The following CIMIP7 variants were observed in gnomAD, a reference collection of about 807,000 sequenced individuals.
CIMIP7 encodes ciliary microtubule inner protein 7.
At chr3:49,184,358 G>A in the CIMIP7 span, among the ~76,000 whole-genome samples, 1 of 152,166 alleles carries the variant, frequency 6.6e-6, no homozygotes, top group African/African-American at 2.4e-5. Flanking sequence ...AGTCTCACGT[G>A]TAGCACAGGC....
chr3:49,178,344 TG>T, the CIMIP7 span: 1 of 775,768 alleles, frequency 1.3e-6, no homozygotes, highest in Non-Finnish European at 2.1e-6. Context: ...AGAAAGTTTG[TG>T]GGGGAAGACA....
chr3:49,186,206 T>C, the CIMIP7 span, among the ~76,000 whole-genome samples: 1 of 149,484 alleles, frequency 6.7e-6, no homozygotes, highest in Admixed American at 6.7e-5. Flanking sequence ...TCCATGTTGG[T>C]CAGGCTGGTC....
the CIMIP7 span, among the ~76,000 whole-genome samples, chr3:49,179,806 G>A: frequency 1.3e-5 from 2 of 152,188 alleles, no homozygotes; most frequent in African/African-American, 2.4e-5. Context: ...TCAGCACTGA[G>A]AATAATGCCT....
chr3:49,190,479 TTTG>T, the CIMIP7 span, among the ~76,000 whole-genome samples: 2 of 151,528 alleles, frequency 1.3e-5, no homozygotes, highest in African/African-American at 2.4e-5. Flanking sequence ...AGAAATCCCC[TTTG>T]TTGTTCTCTC....
At chr3:49,179,074 G>A in the CIMIP7 span, among the ~76,000 whole-genome samples, 1 of 152,020 alleles carries the variant, frequency 6.6e-6, no homozygotes, top group African/African-American at 2.4e-5. Flanking sequence ...CTGAGCTTTG[G>A]GTCATCCCCA....
chr3:49,178,143 G>A, the CIMIP7 span: 1 of 1,234,184 alleles, frequency 8.1e-7, no homozygotes, highest in Non-Finnish European at 1.1e-6. Context: ...GGTGATACCT[G>A]TCCTATGCCT....
chr3:49,178,072 C>T, the CIMIP7 span: 1 of 1,554,830 alleles, frequency 6.4e-7, no homozygotes, highest in Non-Finnish European at 8.7e-7. Context: ...GGTATGGGCC[C>T]TTGGCCCACA....
At chr3:49,178,352 G>C in the CIMIP7 span, 3 of 805,994 alleles carry the variant, frequency 3.7e-6, no homozygotes, top group Admixed American at 2.4e-5. Flanking sequence ...TGTGGGGGAA[G>C]ACAGCCACTC....
chr3:49,189,881 C>G, the CIMIP7 span: 3 of 771,258 alleles, frequency 3.9e-6, no homozygotes, highest in African/African-American at 1.7e-5. Context: ...GGGGAAAGAT[C>G]TGACATCTCA....
the CIMIP7 span, among the ~76,000 whole-genome samples, chr3:49,191,324 G>T: frequency 1.3e-5 from 2 of 152,168 alleles, no homozygotes; most frequent in African/African-American, 4.8e-5. Flanking sequence ...CTCTATTCAG[G>T]TTAGCTCAAC....
chr3:49,187,636 C>A, the CIMIP7 span, among the ~76,000 whole-genome samples: 36 of 150,686 alleles, frequency 2.4e-4, no homozygotes, highest in Admixed American at 3.9e-4. Context: ...GAAAAAAAAA[C>A]CCATAATTTT....
chr3:49,184,437 T>C, the CIMIP7 span, among the ~76,000 whole-genome samples: 1 of 152,182 alleles, frequency 6.6e-6, no homozygotes, highest in Non-Finnish European at 1.5e-5. Context: ...TTCTTATGCC[T>C]CCGCCTCCCA....
chr3:49,177,832 G>A, the CIMIP7 span: 1 of 1,613,162 alleles, frequency 6.2e-7, no homozygotes, highest in Admixed American at 1.7e-5. Context: ...CTGGTAGGTG[G>A]TCCTGGTATG....
chr3:49,186,099 CG>C, the CIMIP7 span, among the ~76,000 whole-genome samples: 31 of 150,432 alleles, frequency 2.1e-4, no homozygotes, highest in East Asian at 2.4e-3. Context: ...CTCCCGGGTT[CG>C]AGCAATTCTC....
At chr3:49,191,209 C>T in the CIMIP7 span, among the ~76,000 whole-genome samples, 4 of 152,304 alleles carry the variant, frequency 2.6e-5, no homozygotes, top group African/African-American at 7.2e-5. Context: ...CTCTGGCCAT[C>T]ACAATGGGCT....
chr3:49,179,485 A>G, the CIMIP7 span, among the ~76,000 whole-genome samples: 1 of 152,110 alleles, frequency 6.6e-6, no homozygotes, highest in Non-Finnish European at 1.5e-5. Flanking sequence ...GACCCACATG[A>G]TATTGGTCCT....
chr3:49,181,144 C>T, the CIMIP7 span, among the ~76,000 whole-genome samples: 1 of 151,572 alleles, frequency 6.6e-6, no homozygotes, highest in Non-Finnish European at 1.5e-5. Flanking sequence ...GAATTCGAGA[C>T]CAGCCTGGCC....
At chr3:49,182,757 G>A in the CIMIP7 span, among the ~76,000 whole-genome samples, 1 of 152,186 alleles carries the variant, frequency 6.6e-6, no homozygotes, top group Non-Finnish European at 1.5e-5. Context: ...AGGAGCCCAG[G>A]GAGTGAAGGG....
chr3:49,178,455 G>C, the CIMIP7 span: 8 of 1,609,404 alleles, frequency 5.0e-6, no homozygotes, highest in Non-Finnish European at 6.8e-6. Flanking sequence ...GGGACTGCCT[G>C]CCATTCTTCC....
Sources: allele counts gnomAD v4.1 joint callset (sites outside exome capture counted in the v4.1 genomes callset), GRCh38; gene constraint gnomAD v4.1.1; transcripts MANE v1.5; gene names NCBI Gene and HGNC (gene_info 2026-07-23, HGNC 2026-07-21).